Variants in C16orf74 observed in about 807,000 individuals in gnomAD.
C16orf74 encodes the protein uncharacterized protein C16orf74.
Under a neutral mutation model 6.5 loss-of-function variants are expected in C16orf74, and 10 were observed. That is an observed-to-expected ratio of 1.54 (90% CI 0.95 to 2.61). The LOEUF is 2.61. Ranked by LOEUF, C16orf74 falls within the 30% of genes most tolerant of loss-of-function variation. C16orf74 has a pLI of 0.00. For missense variants in C16orf74, 141 were observed against 105.9 expected (o/e 1.33, Z -1.45); for synonymous variants, 60 against 42.5 (o/e 1.41, Z -1.60).
chr16:85,745,475 G>C (rs1213337670), intron 1 of C16orf74, among the ~76,000 whole-genome samples: 5 of 152,212 alleles, frequency 3.3e-5, no homozygotes, highest in Middle Eastern at 3.2e-3. Context: ...AAACAGAAAA[G>C]CAAAATGATG....
intron 2 of C16orf74, among the ~76,000 whole-genome samples, chr16:85,722,782 T>C (rs892287922): frequency 2.0e-5 from 3 of 152,206 alleles, no homozygotes; most frequent in African/African-American, 7.2e-5. Context: ...GGCCCCAGTG[T>C]TGAGAAGAGA....
chr16:85,740,001 G>A (rs1164055880), intron 1 of C16orf74, among the ~76,000 whole-genome samples: 2 of 150,682 alleles, frequency 1.3e-5, no homozygotes, highest in African/African-American at 2.4e-5. Context: ...CCTGAGGTCA[G>A]GAGTTCGAGA....
rs367944285 is a variant in C16orf74 at position 85,710,007 on chromosome 16, G to A, written c.172+157C>T. 5.9e-5 allele frequency among the ~76,000 whole-genome samples: 9 copies of A among 152,232 alleles called. 1 individual carries two copies. Among genetic ancestry groups the A allele is most frequent in the African/African-American group, 2.2e-4 (9 of 41,460 alleles). On this transcript the variant is annotated intron_variant, in intron 3 of 3. Coordinates refer to ENST00000284245, the MANE Select transcript of C16orf74 (RefSeq NM_206967.3). ...GCTGGCGCCGTGGCAGGGGGCTCAC[G>A]GTGCAGTGTACACAGGTCTGACCAT...
chr16:85,729,035 A>G (rs1013090418), intron 2 of C16orf74, among the ~76,000 whole-genome samples: 9 of 152,194 alleles, frequency 5.9e-5, no homozygotes, highest in African/African-American at 2.2e-4. Context: ...GACCCCACTG[A>G]GAACCATGCA....
intron 2 of C16orf74, among the ~76,000 whole-genome samples, chr16:85,728,746 T>C (rs1276192393): frequency 6.6e-6 from 1 of 152,202 alleles, no homozygotes. Flanking sequence ...CCAGGAGATC[T>C]TCCCAGTCAC....
chr16:85,748,630 T>G (rs2054400724), intron 1 of C16orf74, among the ~76,000 whole-genome samples: 1 of 152,094 alleles, frequency 6.6e-6, no homozygotes, highest in African/African-American at 2.4e-5. Context: ...AAAGAGTTAT[T>G]ATCTAAAGAC....
intron 1 of C16orf74, among the ~76,000 whole-genome samples, chr16:85,748,925 A>G (rs1413011866): frequency 1.4e-5 from 1 of 73,122 alleles, no homozygotes; most frequent in Non-Finnish European, 2.7e-5. Context: ...GGAGGCTTTG[A>G]TTTTTTTTTT....
At chr16:85,716,750 C>T (rs554160058) in intron 2 of C16orf74, among the ~76,000 whole-genome samples, 1 of 151,790 alleles carries the variant, frequency 6.6e-6, no homozygotes, top group Admixed American at 6.6e-5. Context: ...ACACCCCAGC[C>T]CCTCTCACAT....
chr16:85,740,666 T>A (rs1466737245), intron 1 of C16orf74, among the ~76,000 whole-genome samples: 4 of 135,802 alleles, frequency 2.9e-5, no homozygotes, highest in Non-Finnish European at 6.2e-5. Context: ...CACTCCAGCG[T>A]GGGGCACAGA....
At chr16:85,719,438 T>C (rs1056057363) in intron 2 of C16orf74, among the ~76,000 whole-genome samples, 2 of 152,090 alleles carry the variant, frequency 1.3e-5, no homozygotes, top group South Asian at 4.1e-4. Context: ...ACAGTGCTTG[T>C]GGGAGGCTGG....
At chr16:85,725,408 C>T (rs1328615108) in intron 2 of C16orf74, among the ~76,000 whole-genome samples, 2 of 152,188 alleles carry the variant, frequency 1.3e-5, no homozygotes, top group East Asian at 3.9e-4. Context: ...CAGCCTGGAC[C>T]ACCCAGGGGA....
intron 2 of C16orf74, among the ~76,000 whole-genome samples, chr16:85,725,999 G>A (rs567616259): frequency 3.9e-4 from 60 of 152,048 alleles, no homozygotes; most frequent in African/African-American, 1.4e-3. Context: ...CTGCCTCCTC[G>A]CTGCTCACCA....
intron 2 of C16orf74, among the ~76,000 whole-genome samples, chr16:85,723,116 C>T (rs997197039): frequency 6.6e-6 from 1 of 151,944 alleles, no homozygotes; most frequent in Admixed American, 6.6e-5. Context: ...AAAAATTAGC[C>T]AGGTGTGGTG....
chr16:85,725,629 T>A lies in C16orf74; in HGVS notation c.28+9561A>T, dbSNP rs186731723. 2.8e-3 allele frequency among the ~76,000 whole-genome samples: 420 copies of A among 152,326 alleles called. 5 individuals carry two copies. The highest frequency in any genetic ancestry group is 9.6e-3 in the African/African-American group (400 of 41,574). On this transcript the variant is annotated intron_variant, in intron 2 of 3. Coordinates refer to ENST00000284245, the MANE Select transcript of C16orf74 (RefSeq NM_206967.3). ...ACAGGGTCTTGCTCTGTTGCCAGGC[T>A]GGAGTGCAGTGGTTTTGGCAATTTG... is the stretch of plus-strand genomic sequence containing the variant.
At chr16:85,719,664 G>A (rs1421806971) in intron 2 of C16orf74, among the ~76,000 whole-genome samples, 4 of 152,178 alleles carry the variant, frequency 2.6e-5, no homozygotes, top group African/African-American at 7.2e-5. Context: ...ACAGTACCAA[G>A]AAGCAGGGTT....
At chr16:85,742,042 C>T (rs539059985) in intron 1 of C16orf74, among the ~76,000 whole-genome samples, 12 of 152,198 alleles carry the variant, frequency 7.9e-5, no homozygotes, top group East Asian at 3.9e-4. Flanking sequence ...TGGATGAGTT[C>T]GCTCCCTATT....
At chr16:85,719,948 G>T (rs182870542) in intron 2 of C16orf74, among the ~76,000 whole-genome samples, 1 of 151,680 alleles carries the variant, frequency 6.6e-6, no homozygotes, top group South Asian at 2.1e-4. Flanking sequence ...GGGCTGAGCG[G>T]GGTGACACTA....
intron 2 of C16orf74, among the ~76,000 whole-genome samples, chr16:85,711,116 C>G (rs1169050891): frequency 6.6e-6 from 1 of 151,966 alleles, no homozygotes; most frequent in African/African-American, 2.4e-5. Context: ...GAGTTCAAGA[C>G]CAGCCTGGCC....
intron 2 of C16orf74, chr16:85,710,596 G>T (rs1048147199): frequency 5.3e-6 from 2 of 375,094 alleles, no homozygotes; most frequent in East Asian, 5.5e-5. Flanking sequence ...TTTACCATGT[G>T]GCCCAGCCAG....
Sources: gnomAD v4.1 joint callset for allele counts (sites outside exome capture counted in the v4.1 genomes callset) on GRCh38, gnomAD v4.1.1 for gene constraint, MANE v1.5 for transcripts, NCBI Gene and HGNC (gene_info 2026-07-23, HGNC 2026-07-21) for gene names.